The following OTOGL variants were observed in gnomAD, a reference collection of about 807,000 sequenced individuals.
OTOGL encodes the protein otogelin-like protein.
OTOGL carries 285 observed loss-of-function variants against 318.5 expected under a neutral mutation model. That is an observed-to-expected ratio of 0.89 (90% CI 0.81 to 0.99). The LOEUF (loss-of-function observed/expected upper bound fraction) is 0.99. OTOGL is among the 50% of genes least tolerant of loss of function. The pLI, the probability that OTOGL is intolerant of heterozygous loss-of-function variation, is 0.00. For synonymous variants in OTOGL, 987 were observed against 936.5 expected (o/e 1.05, Z -0.99); for missense variants, 2,899 against 2,845.6 (o/e 1.02, Z -0.43).
At chr12:80,232,565 A>G (rs911595573) in intron 8 of OTOGL, among the ~76,000 whole-genome samples, 12 of 152,220 alleles carry the variant, frequency 7.9e-5, no homozygotes, top group Non-Finnish European at 1.3e-4. Context: ...TAAATAGGCA[A>G]GGTTATTTTC....
rs535101849 is a variant in OTOGL, at chr12:80,355,411, A to G, written c.5594-325A>G. Among the ~76,000 whole-genome samples the G allele has an allele frequency of 1.5e-4, 22 of 151,568 alleles. No individual in the cohort carries two copies. In the South Asian group the frequency reaches 1.5e-3, roughly 10 times the overall value. On this transcript the variant is annotated intron_variant, in intron 46 of 58. Coordinates refer to ENST00000547103, the MANE Select transcript of OTOGL (RefSeq NM_001378609.3). Reference sequence around the variant, plus strand: ...CTAATTATTTTTCTTTTTGGTAGAGACAAGGTCTTACTCTGTTGCCCAGGC... The same window carrying G: ...CTAATTATTTTTCTTTTTGGTAGAGGCAAGGTCTTACTCTGTTGCCCAGGC...
rs146790597 is a variant in OTOGL, at chr12:80,193,519, GTAA to G, written c.-19-15872_-19-15870del. On this transcript the variant is annotated intron_variant, in intron 1 of 58. Coordinates refer to ENST00000547103, the MANE Select transcript of OTOGL (RefSeq NM_001378609.3). ...TGTCAGAGTGAGACTTCATCTAAAA[GTAA>G]TAATAATAATAATAATAATAAGGTT... Among the ~76,000 whole-genome samples the G allele has an allele frequency of 5.7e-3, 857 of 151,132 alleles. 11 individuals are homozygous for G. Among genetic ancestry groups the G allele is most frequent in the African/African-American group, 0.019 (802 of 41,244 alleles).
At chr12:80,338,939 G>A in intron 42 of OTOGL, 136 bp from the exon 43 acceptor site, 1 of 710,102 alleles carries the variant, frequency 1.4e-6, no homozygotes. Context: ...AGAAGCTGTG[G>A]CAGCAGTAAG....
chr12:80,126,801 T>C (rs1372738608), intron 1 of OTOGL, among the ~76,000 whole-genome samples: 2 of 152,218 alleles, frequency 1.3e-5, no homozygotes, highest in Admixed American at 1.3e-4. Context: ...GTAATGGCCT[T>C]CTTTGTCTCT....
At chr12:80,153,890 C>A (rs1437052319) in intron 1 of OTOGL, among the ~76,000 whole-genome samples, 1 of 152,174 alleles carries the variant, frequency 6.6e-6, no homozygotes, top group Admixed American at 6.5e-5. Flanking sequence ...CTTGATAGAT[C>A]ATTTCTTCTT....
chr12:80,314,804 T>A (rs1886868519), intron 32 of OTOGL, among the ~76,000 whole-genome samples: 1 of 152,174 alleles, frequency 6.6e-6, no homozygotes, highest in South Asian at 2.1e-4. Flanking sequence ...AATGATCAAA[T>A]CAGGCCAATT....
At chr12:80,169,553 A>G (rs1400070285) in intron 1 of OTOGL, among the ~76,000 whole-genome samples, 1 of 151,970 alleles carries the variant, frequency 6.6e-6, no homozygotes, top group Non-Finnish European at 1.5e-5. Flanking sequence ...GTGTGACACA[A>G]TTTTTTTTGC....
intron 57 of OTOGL, among the ~76,000 whole-genome samples, chr12:80,373,685 T>G (rs1473247932): frequency 6.6e-6 from 1 of 150,826 alleles, no homozygotes; most frequent in Non-Finnish European, 1.5e-5. Context: ...ATATATAATA[T>G]GTAATATATT....
intron 11 of OTOGL, among the ~76,000 whole-genome samples, chr12:80,244,885 A>G (rs1345232697): frequency 6.9e-6 from 1 of 145,466 alleles, no homozygotes; most frequent in Non-Finnish European, 1.5e-5. Context: ...GATATCTCAT[A>G]GTGGTTTTGA....
chr12:80,333,129 A>G (rs1888184489), intron 38 of OTOGL, 51 bp downstream of exon 38: 4 of 1,478,388 alleles, frequency 2.7e-6, no homozygotes, highest in Non-Finnish European at 3.7e-6. Flanking sequence ...TATATCATCC[A>G]TTCAAATTTC....
intron 42 of OTOGL, among the ~76,000 whole-genome samples, chr12:80,338,674 G>A (rs998713930): frequency 6.6e-6 from 1 of 152,028 alleles, no homozygotes; most frequent in African/African-American, 2.4e-5. Context: ...TTGCAGTTAA[G>A]CAAACAATGA....
At chr12:80,173,127 C>G (rs1006327678) in intron 1 of OTOGL, among the ~76,000 whole-genome samples, 72 of 151,744 alleles carry the variant, frequency 4.7e-4, no homozygotes, top group African/African-American at 1.6e-3. Context: ...GTTATACTGT[C>G]CTGATTAAGC....
At chr12:80,339,678 A>G (rs1222139007) in intron 43 of OTOGL, among the ~76,000 whole-genome samples, 2 of 152,042 alleles carry the variant, frequency 1.3e-5, no homozygotes, top group Non-Finnish European at 1.5e-5. Context: ...AGGCTTACAT[A>G]TCTTTGTTTC....
At chr12:80,377,798 C>T in intron 58 of OTOGL, 50 bp from the exon 59 acceptor site, 1 of 1,359,320 alleles carries the variant, frequency 7.4e-7, no homozygotes, top group Non-Finnish European at 1.0e-6. Flanking sequence ...AAATAATAAC[C>T]AGTACTTTTA....
chr12:80,344,392 AT>A (rs1262572815), intron 44 of OTOGL, among the ~76,000 whole-genome samples: 2 of 152,172 alleles, frequency 1.3e-5, no homozygotes, highest in African/African-American at 2.4e-5. Flanking sequence ...GTATACAAAA[AT>A]CAGCTGGGTG....
At chr12:80,365,048 C>T (rs1476826726) in intron 52 of OTOGL, among the ~76,000 whole-genome samples, 2 of 152,034 alleles carry the variant, frequency 1.3e-5, no homozygotes, top group African/African-American at 4.8e-5. Context: ...TTATACACTA[C>T]TGGTGGCAGT....
chr12:80,275,336 T>G (rs1051644262), intron 24 of OTOGL, among the ~76,000 whole-genome samples: 3 of 151,972 alleles, frequency 2.0e-5, no homozygotes, highest in Non-Finnish European at 4.4e-5. Context: ...AGGAAGTAAC[T>G]GCAGATGCAA....
intron 33 of OTOGL, 56 bp downstream of exon 33, chr12:80,318,769 C>T (rs1433339033): frequency 9.8e-6 from 11 of 1,122,068 alleles, no homozygotes; most frequent in Non-Finnish European, 1.1e-5. Context: ...AAAATTTAGC[C>T]ACTCAGTAAA....
chr12:80,221,041 G>A (rs557411215), intron 6 of OTOGL, among the ~76,000 whole-genome samples: 6 of 152,188 alleles, frequency 3.9e-5, no homozygotes, highest in African/African-American at 9.6e-5. Flanking sequence ...CCCCCACCCA[G>A]AGTGTATCAA....
Sources: allele counts gnomAD v4.1 joint callset (sites outside exome capture counted in the v4.1 genomes callset), GRCh38; gene constraint gnomAD v4.1.1; transcripts MANE v1.5; gene names NCBI Gene and HGNC (gene_info 2026-07-23, HGNC 2026-07-21).